The following TRIL variants were observed in gnomAD, a reference collection of about 807,000 sequenced individuals.
TRIL encodes the protein TLR4 interactor with leucine rich repeats.
In TRIL, 23 loss-of-function variants were observed where a neutral mutation model predicts 43.0. The ratio of observed to expected loss-of-function variants is 0.54; its 90% CI spans 0.39 to 0.76. TRIL has a LOEUF of 0.76. Ranked by LOEUF, TRIL falls within the 30% of genes least tolerant of loss-of-function variation. The probability of loss-of-function intolerance (pLI) is 0.00; values close to 1 mark genes in which losing one functional copy is unlikely to be tolerated. For synonymous variants in TRIL, 602 were observed against 556.8 expected, an observed-to-expected ratio of 1.08 and a Z score of -1.14; for missense variants, 1,114 against 1,139.3, an observed-to-expected ratio of 0.98 and a Z score of 0.32.
Position 28,956,868 on chromosome 7 carries a change from G to A in TRIL, c.1179C>T (p.Pro393=), listed in dbSNP as rs1783413154. 1.2e-6 allele frequency: 2 copies of A among 1,608,038 alleles called. No individual in the cohort carries two copies. The highest frequency in any genetic ancestry group is 4.5e-5 in the East Asian group (2 of 44,694). The change falls in exon 1 of 1, where the codon CCC becomes CCT. Residue 393 remains proline (P), a synonymous_variant. Transcript: ENST00000539664. ...LLTVFVQCRH[P]PALRGKYLDY... ...CCAGGTATTTGCCTCGCAGGGCCGG[G>A]GGGTGGCGACACTGCACGAAGACAG...
rs1783440215 is a variant in TRIL at position 28,958,142 on chromosome 7, A to G, written c.-96T>C. 1.4e-6 allele frequency: 2 copies of G among 1,413,744 alleles called. No homozygotes were observed. The highest frequency in any genetic ancestry group is 1.5e-5 in the African/African-American group (1 of 66,430). 87.6% of individuals were successfully genotyped at this position (1,413,744 alleles called of 1,614,324 possible). A position where few individuals can be genotyped will look rare whatever the true frequency, so the allele number is the denominator to read the frequency against. ...CCCTTAGCCTGGCCAGAGTCGCTAAATGGCCTCTTTCGGACTTCGCAGCGC... is the reference window on the plus strand; with the variant it reads ...CCCTTAGCCTGGCCAGAGTCGCTAAGTGGCCTCTTTCGGACTTCGCAGCGC... On this transcript the variant is annotated 5_prime_UTR_variant, in exon 1 of 1. Transcript: ENST00000539664.
Position 28,958,283 on chromosome 7 carries a change from TG to T in TRIL, c.-238del. The T allele has an allele frequency of 1.9e-6, 1 of 517,092 alleles. No individual in the cohort carries two copies. Among genetic ancestry groups the T allele is most frequent in the Non-Finnish European group, 3.4e-6 (1 of 294,940 alleles). 32.0% of individuals were successfully genotyped at this position (517,092 alleles called of 1,614,324 possible). A position where few individuals can be genotyped will look rare whatever the true frequency, so the allele number is the denominator to read the frequency against. On this transcript the variant is annotated 5_prime_UTR_variant, in exon 1 of 1. The change creates a premature stop within an existing upstream ORF in the 5' untranslated region. Transcript: ENST00000539664. ...TCTGCAGACCCCGGGTACTACTTGT[TG>T]CATTTCTGTATAAAACTGTTTCTCC...
At position 28,957,417 on chromosome 7, in the gene TRIL, G is replaced by A. The variant is rs1237328203; in HGVS notation, c.630C>T (p.Leu210=). Residue 210 remains leucine, a synonymous_variant, in exon 1 of 1, where the codon CTC becomes CTT. Coordinates refer to ENST00000539664, the MANE Select transcript of TRIL (RefSeq NM_014817.4). ...GGGAGGGCTGTAGCTCGTTGGCAGA[G>A]AGGTTGAGGAAGCGCAGCTTGCCTA... ...AQLGKLRFLN[L]SANELQPSLR... is the part of the protein sequence containing the mutation. The A allele has an allele frequency of 1.2e-6, 2 of 1,613,394 alleles. No individual in the cohort carries two copies. Among genetic ancestry groups the A allele is most frequent in the African/African-American group, 2.7e-5 (2 of 74,950 alleles).
Position 28,955,411 on chromosome 7 carries a change from T to C in TRIL, c.*200A>G, listed in dbSNP as rs1335345165. Reference sequence around the variant, plus strand: ...AGCATCCCACCATCCATTTGTCCCCTACTCTGGCTCTGACCACCAAGTACC... The same window carrying C: ...AGCATCCCACCATCCATTTGTCCCCCACTCTGGCTCTGACCACCAAGTACC... On this transcript the variant is annotated 3_prime_UTR_variant, in exon 1 of 1. Coordinates refer to ENST00000539664, the MANE Select transcript of TRIL (RefSeq NM_014817.4). 2.6e-6 allele frequency: 2 copies of C among 774,942 alleles called. No homozygotes were observed. The highest frequency in any genetic ancestry group is 3.9e-6 in the Non-Finnish European group (2 of 516,970). The allele number at this position is 774,942 out of a possible 1,614,324, so 48.0% of individuals were successfully genotyped here. A position where few individuals can be genotyped will look rare whatever the true frequency, so the allele number is the denominator to read the frequency against.
rs1232862670 is a variant in TRIL at position 28,954,061 on chromosome 7, C to G, written c.*1550G>C. On this transcript the variant is annotated 3_prime_UTR_variant, in exon 1 of 1. Coordinates refer to ENST00000539664, the MANE Select transcript of TRIL (RefSeq NM_014817.4). The stretch of plus-strand genomic sequence containing the variant: ...CACCATTGCAGTGACCTCCATGGTA[C>G]TCCACTGCCAATAAATCCATAACCA... 1.3e-5 allele frequency: 2 copies of G among 152,614 alleles called. No homozygotes were observed. The highest frequency in any genetic ancestry group is 6.5e-5 in the Admixed American group (1 of 15,278). 9.5% of individuals were successfully genotyped at this position (152,614 alleles called of 1,614,324 possible).
At position 28,957,876 on chromosome 7, in the gene TRIL, G is replaced by GCTCGGCAGCGAGCTGGTCTTGGGCA; in HGVS notation, c.146_170dup (p.Pro58AlafsTer222). On this transcript the variant is annotated frameshift_variant, in exon 1 of 1. Transcript: ENST00000539664. LOFTEE classifies it high-confidence loss of function. ...GGCTGTAGGTGAGCACGTCGTGGGG[G>GCTCGGCAGCGAGCTGGTCTTGGGCA]CTCGGCAGCGAGCTGGTCTTGGGCA... 1 of 1,613,518 alleles carries GCTCGGCAGCGAGCTGGTCTTGGGCA rather than the reference G, an allele frequency of 6.2e-7. No homozygotes were observed. Among genetic ancestry groups the GCTCGGCAGCGAGCTGGTCTTGGGCA allele is most frequent in the Non-Finnish European group, 8.5e-7 (1 of 1,179,838 alleles).
Position 28,958,017 on chromosome 7 carries a change from C to T in TRIL, c.30G>A (p.Leu10=). The T allele has an allele frequency of 6.3e-7, 1 of 1,582,648 alleles. No individual in the cohort carries two copies. The highest frequency in any genetic ancestry group is 1.3e-5 in the African/African-American group (1 of 74,554). ...GCGCGAGGCAGCCGCACACCACGAG[C>T]AGGAGGCGCAAGGCGCGGGCAGCCT... is the stretch of plus-strand genomic sequence containing the variant. MEAARALRL[L]LVVCGCLALP... Residue 10 remains leucine, a synonymous_variant, in exon 1 of 1, where the codon CTG becomes CTA. Coordinates refer to ENST00000539664, the MANE Select transcript of TRIL (RefSeq NM_014817.4).
chr7:28,954,407 A>G lies in TRIL; in HGVS notation c.*1204T>C, dbSNP rs1233718796. The G allele has an allele frequency of 1.3e-5, 2 of 152,676 alleles. No individual in the cohort carries two copies. The highest frequency in any genetic ancestry group is 2.9e-5 in the Non-Finnish European group (2 of 68,046). The allele number at this position is 152,676 out of a possible 1,614,324, so 9.5% of individuals were successfully genotyped here. On this transcript the variant is annotated 3_prime_UTR_variant, in exon 1 of 1. Coordinates refer to ENST00000539664, the MANE Select transcript of TRIL (RefSeq NM_014817.4). ...TCACAGTGAGGTTTAAGTACTCATA[A>G]CAATCTTCTGGTTTTAGTAGAACAG...
chr7:28,955,407 C>T lies in TRIL; in HGVS notation c.*204G>A. On this transcript the variant is annotated 3_prime_UTR_variant, in exon 1 of 1. Transcript: ENST00000539664. ...CCTCAGCATCCCACCATCCATTTGTCCCCTACTCTGGCTCTGACCACCAAG... is the reference window on the plus strand; with the variant it reads ...CCTCAGCATCCCACCATCCATTTGTTCCCTACTCTGGCTCTGACCACCAAG... 1.3e-6 allele frequency: 1 copy of T among 743,850 alleles called. No homozygotes were observed. The allele number at this position is 743,850 out of a possible 1,614,324, so 46.1% of individuals were successfully genotyped here.
Position 28,958,075 on chromosome 7 carries a change from A to G in TRIL, c.-29T>C. 3 of 1,473,882 alleles carry G rather than the reference A, an allele frequency of 2.0e-6. No individual in the cohort carries two copies. Among genetic ancestry groups the G allele is most frequent in the East Asian group, 5.0e-5 (2 of 40,138 alleles). The allele number at this position is 1,473,882 out of a possible 1,614,324, so 91.3% of individuals were successfully genotyped here. ...CTCCCGCCCTGCGTGCAGCGGCCGG[A>G]TCGTCCTCTTGGCCCGCCGGCTCTG... On this transcript the variant is annotated 5_prime_UTR_variant, in exon 1 of 1. Coordinates refer to ENST00000539664, the MANE Select transcript of TRIL (RefSeq NM_014817.4).
chr7:28,957,327 G>T lies in TRIL; in HGVS notation c.720C>A (p.Asn240Lys), dbSNP rs1332934277. Residue 240 changes from asparagine to lysine, a missense_variant, in exon 1 of 1, where the codon AAC (asparagine) becomes AAA (lysine). Physicochemically the swap from Asn to Lys is moderately conservative, Grantham distance 94. Coordinates refer to ENST00000539664, the MANE Select transcript of TRIL (RefSeq NM_014817.4). ...SLSSLILSAN[N>K]LQHLGPRIFQ... ...AGATGCGCGGCCCGAGGTGCTGCAG[G>T]TTGTTGGCCGAGAGGATGAGGGAGG... The T allele has an allele frequency of 6.2e-7, 1 of 1,612,380 alleles. No homozygotes were observed. The highest frequency in any genetic ancestry group is 1.1e-5 in the South Asian group (1 of 91,066).
chr7:28,957,849 G>A lies in TRIL; in HGVS notation c.198C>T (p.Leu66=). 1 of 1,613,800 alleles carries A rather than the reference G, an allele frequency of 6.2e-7. No homozygotes were observed. Among genetic ancestry groups the A allele is most frequent in the Non-Finnish European group, 8.5e-7 (1 of 1,179,768 alleles). Residue 66 remains leucine (L), a synonymous_variant, in exon 1 of 1, where the codon CTC becomes CTT. Transcript: ENST00000539664. ...PSPHDVLTYS[L]GGNFITNITA... ...TGATGTTGGTTATGAAGTTGCCGCC[G>A]AGGCTGTAGGTGAGCACGTCGTGGG...
At position 28,957,210 on chromosome 7, in the gene TRIL, C is replaced by G; in HGVS notation, c.837G>C (p.Leu279=). ...GATTACCCTCCAGGCGCAGCTCGCG[C>G]AGGGCCTCCAAGCCCCAAAAGGCCT... is the stretch of plus-strand genomic sequence containing the variant. ...APEAFWGLEA[L]RELRLEGNRL... is the part of the protein sequence containing the mutation. The change falls in exon 1 of 1, where the codon CTG becomes CTC. Residue 279 remains leucine (L), a synonymous_variant. Transcript: ENST00000539664. The G allele has an allele frequency of 6.2e-7, 1 of 1,603,188 alleles. No homozygotes were observed. The highest frequency in any genetic ancestry group is 8.5e-7 in the Non-Finnish European group (1 of 1,178,278).
At position 28,957,132 on chromosome 7, in the gene TRIL, C is replaced by G; in HGVS notation, c.915G>C (p.Ala305=). Residue 305 remains alanine (A), a synonymous_variant, in exon 1 of 1, where the codon GCG becomes GCC. Coordinates refer to ENST00000539664, the MANE Select transcript of TRIL (RefSeq NM_014817.4). The part of the protein sequence containing the change: ...ALLEPLHSLE[A]LDLSGNELSA... ...ACAGCTCATTGCCGCTCAGGTCCAGCGCCTCCAGGCTGTGCAGAGGCTCCA... is the reference window on the plus strand; with the variant it reads ...ACAGCTCATTGCCGCTCAGGTCCAGGGCCTCCAGGCTGTGCAGAGGCTCCA... 1.3e-6 allele frequency: 2 copies of G among 1,579,958 alleles called. No individual in the cohort carries two copies. The highest frequency in any genetic ancestry group is 1.7e-6 in the Non-Finnish European group (2 of 1,166,092).
chr7:28,955,637 G>C lies in TRIL; in HGVS notation c.2410C>G (p.Arg804Gly). ...GAGGSLRRED[R>G]LLQRFAD is the part of the protein sequence containing the mutation. ...TAGTCGGCAAATCGCTGCAGGAGAC[G>C]GTCCTCCCGTCTCAGGCTGCCGCCC... is the stretch of plus-strand genomic sequence containing the variant. Residue 804 changes from arginine (R) to glycine (G), a missense_variant, in exon 1 of 1, where the codon CGT becomes GGT. Physicochemically the swap from Arg to Gly is moderately radical, Grantham distance 125. Transcript: ENST00000539664. 3.2e-6 allele frequency: 5 copies of C among 1,544,302 alleles called. No individual in the cohort carries two copies. Among genetic ancestry groups the C allele is most frequent in the Non-Finnish European group, 3.5e-6 (4 of 1,145,776 alleles).
In TRIL at chr7:28,957,167, T is replaced by C. The variant is rs61733930; in HGVS notation, c.880A>G (p.Thr294Ala). Residue 294 changes from threonine to alanine, a missense_variant, in exon 1 of 1, where the codon ACT (threonine) becomes GCT (alanine). Coordinates refer to ENST00000539664, the MANE Select transcript of TRIL (RefSeq NM_014817.4). ...CTGTGCAGAGGCTCCAGCAGCGCAG[T>C]TGGCAGCTGGCTCAGCCGATTACCC... is the stretch of plus-strand genomic sequence containing the variant. ...LEGNRLSQLP[T>A]ALLEPLHSLE... is the part of the protein sequence containing the mutation. 2.5e-6 allele frequency: 4 copies of C among 1,593,250 alleles called. No individual in the cohort carries two copies. The highest frequency in any genetic ancestry group is 2.7e-5 in the African/African-American group (2 of 74,546).
rs1280668828 is a variant in TRIL at position 28,955,710 on chromosome 7, G to A, written c.2337C>T (p.Leu779=). ...TTVCALSEAD[L]IEFPCDRFMD... is the part of the protein sequence containing the mutation. ...TGAAGCGGTCGCAGGGGAATTCGAT[G>A]AGGTCCGCCTCACTGAGCGCGCACA... Residue 779 remains leucine (L), a synonymous_variant, in exon 1 of 1, where the codon CTC becomes CTT. Coordinates refer to ENST00000539664, the MANE Select transcript of TRIL (RefSeq NM_014817.4). 4.5e-6 allele frequency: 7 copies of A among 1,550,052 alleles called. No homozygotes were observed. Among genetic ancestry groups the A allele is most frequent in the Non-Finnish European group, 6.1e-6 (7 of 1,146,954 alleles).
Position 28,957,475 on chromosome 7 carries a change from A to T in TRIL, c.572T>A (p.Ile191Asn). ...GAAGGCGTTCTTGCCCAGAAAGCGG[A>T]TCCGGTTGGACTCCAGATGTAGGTA... is the stretch of plus-strand genomic sequence containing the variant. Reference protein sequence around the residue: ...LLYLHLESNRIRFLGKNAFAQ... With the variant: ...LLYLHLESNRNRFLGKNAFAQ... Residue 191 changes from isoleucine (I) to asparagine (N), a missense_variant, in exon 1 of 1, where the codon ATC becomes AAC. Transcript: ENST00000539664. 6.2e-7 allele frequency: 1 copy of T among 1,613,316 alleles called. No homozygotes were observed. Among genetic ancestry groups the T allele is most frequent in the African/African-American group, 1.3e-5 (1 of 75,054 alleles).
Position 28,957,484 on chromosome 7 carries a change from G to A in TRIL, c.563C>T (p.Ser188Phe). ...LGNLLYLHLE[S>F]NRIRFLGKNA... ...CTTGCCCAGAAAGCGGATCCGGTTGGACTCCAGATGTAGGTAGAGCAGGTT... is the reference window on the plus strand; with the variant it reads ...CTTGCCCAGAAAGCGGATCCGGTTGAACTCCAGATGTAGGTAGAGCAGGTT... The change falls in exon 1 of 1, where the codon TCC becomes TTC. Residue 188 changes from serine to phenylalanine, a missense_variant. Transcript: ENST00000539664. 1 of 1,613,302 alleles carries A rather than the reference G, an allele frequency of 6.2e-7. No homozygotes were observed. The highest frequency in any genetic ancestry group is 1.1e-5 in the South Asian group (1 of 91,084).
Sources: gnomAD v4.1 joint callset for allele counts on GRCh38, gnomAD v4.1.1 for gene constraint, MANE v1.5 for transcripts, NCBI Gene and HGNC (gene_info 2026-07-23, HGNC 2026-07-21) for gene names.